The following CACNA1D variants were observed in gnomAD, a reference collection of about 807,000 sequenced individuals.
CACNA1D encodes the protein voltage-dependent L-type calcium channel subunit alpha-1D.
In CACNA1D, 55 loss-of-function variants were observed where a neutral mutation model predicts 257.1. That is an observed-to-expected ratio of 0.21 (90% CI 0.17 to 0.27). CACNA1D has a LOEUF of 0.27. Ranked by LOEUF, CACNA1D falls within the 10% of genes least tolerant of loss-of-function variation. CACNA1D has a pLI of 1.00. For synonymous variants in CACNA1D, 980 were observed against 1,014.9 expected (o/e 0.97, Z 0.65); for missense variants, 1,876 against 2,784.0 (o/e 0.67, Z 7.34).
chr3:53,651,107 T>G, intron 4 of CACNA1D, 189 bp downstream of exon 4: 2 of 596,552 alleles, frequency 3.4e-6, no homozygotes, highest in South Asian at 3.9e-5. Context: ...CAGATACTAG[T>G]TTGAAATTCT....
chr3:53,578,429 G>A (rs1448289633), intron 3 of CACNA1D, among the ~76,000 whole-genome samples: 1 of 152,158 alleles, frequency 6.6e-6, no homozygotes, highest in Non-Finnish European at 1.5e-5. Flanking sequence ...CTGGGCATTT[G>A]GACAAGTAAC....
At chr3:53,498,229 C>T (rs1299460087) in intron 2 of CACNA1D, among the ~76,000 whole-genome samples, 1 of 152,126 alleles carries the variant, frequency 6.6e-6, no homozygotes, top group Non-Finnish European at 1.5e-5. Flanking sequence ...CAGTTGCTGC[C>T]TTTATAAAAA....
rs114780108 is a variant in CACNA1D, at chr3:53,577,644, G to A, written c.484-73135G>A. Among the ~76,000 whole-genome samples, 691 of 152,152 alleles carry A rather than the reference G, an allele frequency of 4.5e-3. 3 individuals carry two copies. The highest frequency in any genetic ancestry group is 7.1e-3 in the Non-Finnish European group (482 of 67,996). On this transcript the variant is annotated intron_variant, in intron 3 of 47. Transcript: ENST00000350061. ...TGGGGAAAGGATTCCCCACAGAAAC[G>A]GAGGTTCTCACCAGGGGAAGTGGAG...
chr3:53,714,072 T>A (rs936199890), intron 9 of CACNA1D, among the ~76,000 whole-genome samples: 2 of 152,212 alleles, frequency 1.3e-5, no homozygotes, highest in Admixed American at 6.5e-5. Flanking sequence ...TTCCTAATGC[T>A]TGGTTTTTCC....
intron 37 of CACNA1D, among the ~76,000 whole-genome samples, chr3:53,778,086 C>G (rs921614852): frequency 1.3e-5 from 2 of 152,172 alleles, no homozygotes; most frequent in African/African-American, 4.8e-5. Flanking sequence ...AAAGAAATCC[C>G]TTGAGCCAGA....
At chr3:53,805,963 CCCTCCCTCATCTTCCCTCCTCCTCCGTT>C (rs1559722617) in intron 45 of CACNA1D, among the ~76,000 whole-genome samples, 31 of 131,784 alleles carry the variant, frequency 2.4e-4, no homozygotes, top group Admixed American at 5.2e-4. Context: ...CCCTCCTCCT[CCCTCCCTCATCTTCCCTCCTCCTCCGTT>C]CCTCCCTCAT....
chr3:53,619,766 T>C (rs2093676192), intron 3 of CACNA1D, among the ~76,000 whole-genome samples: 1 of 152,196 alleles, frequency 6.6e-6, no homozygotes, highest in Non-Finnish European at 1.5e-5. Context: ...TTTCTTTAAG[T>C]GTGAAGAATA....
chr3:53,610,696 G>C (rs953672249), intron 3 of CACNA1D, among the ~76,000 whole-genome samples: 2 of 152,034 alleles, frequency 1.3e-5, no homozygotes, highest in African/African-American at 4.8e-5. Context: ...TCTATTTGTT[G>C]TTCCTTTTCC....
At chr3:53,672,365 T>G (rs2680666) in intron 7 of CACNA1D, among the ~76,000 whole-genome samples, 6,403 of 152,298 alleles carry the variant, frequency 0.042, 479 homozygotes, top group African/African-American at 0.15. Flanking sequence ...TTGAAAAAAT[T>G]TCTTTTTCAC....
chr3:53,715,679 C>T (rs535835202), intron 9 of CACNA1D, among the ~76,000 whole-genome samples: 41 of 152,272 alleles, frequency 2.7e-4, no homozygotes, highest in Middle Eastern at 3.4e-3. Flanking sequence ...GTCACAAACG[C>T]GGGGTTAAAC....
intron 9 of CACNA1D, among the ~76,000 whole-genome samples, chr3:53,709,099 G>T (rs193027209): frequency 6.6e-6 from 1 of 152,324 alleles, no homozygotes; most frequent in East Asian, 1.9e-4. Flanking sequence ...GTCTGTTTCT[G>T]CCCTCTGTTG....
At chr3:53,664,395 C>T (rs142678359) in intron 5 of CACNA1D, among the ~76,000 whole-genome samples, 26 of 152,352 alleles carry the variant, frequency 1.7e-4, no homozygotes, top group Non-Finnish European at 3.4e-4. Context: ...TGAACTACCT[C>T]TCTGTGTGTC....
At chr3:53,605,931 T>C (rs1156328703) in intron 3 of CACNA1D, among the ~76,000 whole-genome samples, 1 of 152,216 alleles carries the variant, frequency 6.6e-6, no homozygotes, top group East Asian at 1.9e-4. Context: ...GTGTCTGCCC[T>C]CTCCCCAGAG....
At chr3:53,598,867 A>C (rs1372272567) in intron 3 of CACNA1D, among the ~76,000 whole-genome samples, 1 of 152,214 alleles carries the variant, frequency 6.6e-6, no homozygotes, top group Non-Finnish European at 1.5e-5. Context: ...GCAACTGTCC[A>C]TGTCATCTTG....
intron 3 of CACNA1D, among the ~76,000 whole-genome samples, chr3:53,588,139 A>G (rs2093249180): frequency 6.6e-6 from 1 of 152,216 alleles, no homozygotes; most frequent in Non-Finnish European, 1.5e-5. Flanking sequence ...TATGAAGGCA[A>G]CAGACTGTGT....
chr3:53,795,013 C>A (rs1312874932), intron 40 of CACNA1D, among the ~76,000 whole-genome samples: 1 of 152,236 alleles, frequency 6.6e-6, no homozygotes, highest in Non-Finnish European at 1.5e-5. Flanking sequence ...TGGAGCCCTT[C>A]TCCCCCTCCA....
chr3:53,535,557 T>C (rs1168128874), intron 3 of CACNA1D, among the ~76,000 whole-genome samples: 1 of 152,230 alleles, frequency 6.6e-6, no homozygotes, highest in Non-Finnish European at 1.5e-5. Flanking sequence ...ATTAGAGCTC[T>C]GCATTGGATG....
chr3:53,769,077 C>G (rs2095351502), intron 30 of CACNA1D, among the ~76,000 whole-genome samples: 1 of 152,218 alleles, frequency 6.6e-6, no homozygotes, highest in Non-Finnish European at 1.5e-5. Flanking sequence ...AGTTTGCTTC[C>G]AACTCCTCTG....
chr3:53,720,194 G>A (rs2094867488), intron 11 of CACNA1D, among the ~76,000 whole-genome samples: 1 of 152,124 alleles, frequency 6.6e-6, no homozygotes, highest in Non-Finnish European at 1.5e-5. Flanking sequence ...ATATACCTAT[G>A]ATTAGTGTAC....
Sources: allele counts gnomAD v4.1 joint callset (sites outside exome capture counted in the v4.1 genomes callset), GRCh38; gene constraint gnomAD v4.1.1; transcripts MANE v1.5; gene names NCBI Gene and HGNC (gene_info 2026-07-23, HGNC 2026-07-21).